Variants in TPP2 observed in about 807,000 individuals in gnomAD.
The protein encoded by TPP2 is tripeptidyl peptidase 2.
TPP2 carries 34 observed loss-of-function variants against 155.9 expected under a neutral mutation model. That is an observed-to-expected ratio of 0.22 (90% CI 0.17 to 0.29). The LOEUF is 0.29. Ranked by LOEUF, TPP2 falls within the 10% of genes least tolerant of loss-of-function variation. TPP2 has a pLI of 1.00. For missense variants in TPP2, 1,028 were observed against 1,522.3 expected, an observed-to-expected ratio of 0.68 and a Z score of 5.40; for synonymous variants, 510 against 529.4, an observed-to-expected ratio of 0.96 and a Z score of 0.50.
intron 6 of TPP2, among the ~76,000 whole-genome samples, chr13:102,624,606 T>C (rs923927327): frequency 2.0e-5 from 3 of 152,180 alleles, no homozygotes; most frequent in Non-Finnish European, 2.9e-5. Context: ...ATAAAAAATA[T>C]GGTTTTCTTT....
chr13:102,623,607 T>A (rs1881332998), intron 6 of TPP2, among the ~76,000 whole-genome samples: 1 of 152,220 alleles, frequency 6.6e-6, no homozygotes, highest in South Asian at 2.1e-4. Flanking sequence ...ACAGCAATTT[T>A]GCCTCGAAAT....
chr13:102,644,894 A>G lies in TPP2; in HGVS notation c.2293-15A>G. 6.2e-7 allele frequency: 1 copy of G among 1,608,812 alleles called. No individual in the cohort carries two copies. The highest frequency in any genetic ancestry group is 1.7e-5 in the Admixed American group (1 of 58,780). On this transcript the variant is annotated splice_polypyrimidine_tract_variant and intron_variant, in intron 18 of 29. Coordinates refer to ENST00000376052, the MANE Select transcript of TPP2 (RefSeq NM_001330588.2). ...TAGTAAAGTTTGAGAAAGTAATTTGAGAAATCCTTTGTAGCATGCATCGGA... is the reference window on the plus strand; with the variant it reads ...TAGTAAAGTTTGAGAAAGTAATTTGGGAAATCCTTTGTAGCATGCATCGGA...
chr13:102,652,876 A>G (rs1276972250), intron 24 of TPP2, among the ~76,000 whole-genome samples: 4 of 152,178 alleles, frequency 2.6e-5, no homozygotes, highest in African/African-American at 9.6e-5. Context: ...TAATGTGTAT[A>G]TCTTTGGGAC....
At chr13:102,608,463 T>C (rs1014776287) in intron 2 of TPP2, among the ~76,000 whole-genome samples, 1 of 152,172 alleles carries the variant, frequency 6.6e-6, no homozygotes, top group Non-Finnish European at 1.5e-5. Context: ...ACATTGGACC[T>C]CTTGACTTGA....
intron 24 of TPP2, chr13:102,654,887 C>T (rs532916085): frequency 1.1e-5 from 5 of 455,324 alleles, no homozygotes; most frequent in African/African-American, 8.0e-5. Context: ...TGGCTTTGCT[C>T]AGGGCAGTGC....
intron 29 of TPP2, among the ~76,000 whole-genome samples, chr13:102,676,882 T>A (rs1225790713): frequency 6.6e-6 from 1 of 152,174 alleles, no homozygotes; most frequent in Non-Finnish European, 1.5e-5. Context: ...TCTGCACAAG[T>A]TAGTTGTCAA....
intron 16 of TPP2, 32 bp downstream of exon 16, chr13:102,640,408 A>C: frequency 6.5e-7 from 1 of 1,532,116 alleles, no homozygotes; most frequent in Non-Finnish European, 9.0e-7. Context: ...GTGACCGCTT[A>C]TCTCTGTTTA....
chr13:102,636,972 T>C (rs1289284781), intron 13 of TPP2, 110 bp from the exon 14 acceptor site: 37 of 1,133,656 alleles, frequency 3.3e-5, no homozygotes, highest in Non-Finnish European at 3.7e-5. Flanking sequence ...TGGATGCATT[T>C]TACAGCCAAC....
intron 27 of TPP2, among the ~76,000 whole-genome samples, chr13:102,669,790 G>C (rs1341439363): frequency 1.3e-5 from 2 of 152,160 alleles, no homozygotes; most frequent in Non-Finnish European, 2.9e-5. Context: ...CTGCAGGTCT[G>C]CTTGATCATT....
chr13:102,616,295 A>G (rs1880718452), intron 3 of TPP2, 101 bp from the exon 4 acceptor site: 3 of 891,804 alleles, frequency 3.4e-6, no homozygotes, highest in African/African-American at 3.4e-5. Context: ...AGAATTGTGT[A>G]GTATCACAAC....
chr13:102,655,365 G>A (rs77519682), intron 24 of TPP2, among the ~76,000 whole-genome samples: 45 of 152,116 alleles, frequency 3.0e-4, no homozygotes, highest in African/African-American at 1.1e-3. Flanking sequence ...GTCTTTTTGG[G>A]AACATTTGTT....
At chr13:102,621,588 A>G (rs939680284) in intron 5 of TPP2, among the ~76,000 whole-genome samples, 4 of 152,090 alleles carry the variant, frequency 2.6e-5, no homozygotes, top group African/African-American at 7.2e-5. Flanking sequence ...AGGTGAGCAG[A>G]TGATTATTAG....
Position 102,674,270 on chromosome 13 carries a change from A to T in TPP2, c.3372-13A>T. ...TTACTGATATCTGAAATATTTTTTA[A>T]TTTGCTGTACAGTGACATGGACAAA... is the stretch of plus-strand genomic sequence containing the variant. On this transcript the variant is annotated splice_polypyrimidine_tract_variant and intron_variant, in intron 27 of 29. Transcript: ENST00000376052. 6.3e-7 allele frequency: 1 copy of T among 1,595,010 alleles called. No homozygotes were observed. Among genetic ancestry groups the T allele is most frequent in the Admixed American group, 1.8e-5 (1 of 55,842 alleles).
chr13:102,610,023 A>G lies in TPP2; in HGVS notation c.295-4078A>G, dbSNP rs935046153. Among the ~76,000 whole-genome samples, 3 of 152,008 alleles carry G rather than the reference A, an allele frequency of 2.0e-5. No homozygotes were observed. In the South Asian group the frequency reaches 6.2e-4, roughly 31 times the overall value. ...TCTTCTCCATCCATCCATAACATGT[A>G]CTCACACACATGTTCAGTTTAATTT... On this transcript the variant is annotated intron_variant, in intron 2 of 29. Coordinates refer to ENST00000376052, the MANE Select transcript of TPP2 (RefSeq NM_001330588.2).
chr13:102,597,160 C>G lies in TPP2; in HGVS notation c.122C>G (p.Ala41Gly), dbSNP rs1305677830. The change falls in exon 1 of 30, where the codon GCA becomes GGA. Residue 41 changes from alanine (A) to glycine (G), a missense_variant. Around this residue, in one of 7 missense-constraint regions of TPP2, gnomAD observed 300 missense variants for 398.3 expected, o/e 0.75. Transcript: ENST00000376052. Reference protein sequence around the residue: ...PEYDGRGVLIAVLDTGVDPGA... With the variant: ...PEYDGRGVLIGVLDTGVDPGA... ...TATGATGGGCGGGGGGTGCTCATCG[C>G]AGTCCTGGACACGGGGGTCGACCCG... The G allele has an allele frequency of 6.9e-6, 11 of 1,589,094 alleles. No homozygotes were observed. Among genetic ancestry groups the G allele is most frequent in the Admixed American group, 1.7e-5 (1 of 58,028 alleles).
chr13:102,665,377 G>T (rs1884525513), intron 27 of TPP2, among the ~76,000 whole-genome samples: 1 of 152,170 alleles, frequency 6.6e-6, no homozygotes, highest in Non-Finnish European at 1.5e-5. Context: ...ATAAAATTAG[G>T]TTAAAACTAT....
intron 6 of TPP2, among the ~76,000 whole-genome samples, chr13:102,625,787 CT>C (rs1035151909): frequency 9.2e-5 from 14 of 152,332 alleles, no homozygotes; most frequent in Non-Finnish European, 1.5e-4. Flanking sequence ...ATAGAGATGC[CT>C]GCCTACTTCT....
At position 102,669,949 on chromosome 13, in the gene TPP2, A is replaced by G. The variant is rs1884862106; in HGVS notation, c.3372-4334A>G. Among the ~76,000 whole-genome samples, 3 of 152,310 alleles carry G rather than the reference A, an allele frequency of 2.0e-5. No homozygotes were observed. The South Asian group carries it at 6.2e-4, about 32-fold the overall frequency. ...AGTGGACTTAATAAGGGCTGTTTCA[A>G]GGTTCTGCAATAAATAAACAGAGTA... On this transcript the variant is annotated intron_variant, in intron 27 of 29. Transcript: ENST00000376052.
chr13:102,669,739 T>C (rs914210516), intron 27 of TPP2, among the ~76,000 whole-genome samples: 2 of 149,254 alleles, frequency 1.3e-5, no homozygotes, highest in African/African-American at 5.1e-5. Flanking sequence ...GTGGAAACAT[T>C]GATGCGAATG....
Sources: gnomAD v4.1 joint callset for allele counts (sites outside exome capture counted in the v4.1 genomes callset) on GRCh38, gnomAD v4.1.1 for gene constraint, gnomAD v4.1.1 regional missense constraint, MANE v1.5 for transcripts, NCBI Gene and HGNC (gene_info 2026-07-23, HGNC 2026-07-21) for gene names.